The following PHACTR1 variants were observed in gnomAD, a reference collection of about 807,000 sequenced individuals.
The protein encoded by PHACTR1 is RPEL repeat containing 1.
PHACTR1 carries 16 observed loss-of-function variants against 69.2 expected under a neutral mutation model. The observed-to-expected ratio is 0.23, with a 90% CI of 0.16 to 0.35. The LOEUF is 0.35. PHACTR1 is among the 10% of genes least tolerant of loss of function. The probability of loss-of-function intolerance (pLI) is 1.00; values close to 1 mark genes in which losing one functional copy is unlikely to be tolerated. For missense variants in PHACTR1, 510 were observed against 734.7 expected (o/e 0.69, Z 3.54); for synonymous variants, 312 against 284.5 (o/e 1.10, Z -0.97).
chr6:13,252,242 G>A (rs1225578281), intron 10 of PHACTR1, among the ~76,000 whole-genome samples: 3 of 146,520 alleles, frequency 2.0e-5, no homozygotes, highest in African/African-American at 5.0e-5. Context: ...AAAAAAATTA[G>A]CCAGGTGCCT....
At chr6:13,251,177 G>A (rs1286786813) in intron 10 of PHACTR1, among the ~76,000 whole-genome samples, 1 of 152,178 alleles carries the variant, frequency 6.6e-6, no homozygotes, top group Non-Finnish European at 1.5e-5. Context: ...TGCCTGCCAG[G>A]CACACTCAGC....
At chr6:13,197,054 A>G (rs1764536417) in intron 7 of PHACTR1, among the ~76,000 whole-genome samples, 2 of 152,338 alleles carry the variant, frequency 1.3e-5, no homozygotes, top group South Asian at 4.1e-4. Context: ...CTGCAGCTAT[A>G]TAAGGTACTT....
At chr6:13,014,186 G>A (rs1300563568) in intron 4 of PHACTR1, among the ~76,000 whole-genome samples, 1 of 151,996 alleles carries the variant, frequency 6.6e-6, no homozygotes, top group Non-Finnish European at 1.5e-5. Flanking sequence ...CGCGGGAGGC[G>A]GGGAGGTGGC....
At chr6:12,987,752 C>A (rs953952485) in intron 4 of PHACTR1, among the ~76,000 whole-genome samples, 5 of 152,154 alleles carry the variant, frequency 3.3e-5, no homozygotes, top group African/African-American at 1.2e-4. Context: ...AGAGGTAACC[C>A]ATTTTAAAAT....
At chr6:13,088,120 C>T (rs376844503) in intron 5 of PHACTR1, among the ~76,000 whole-genome samples, 16 of 152,118 alleles carry the variant, frequency 1.1e-4, no homozygotes, top group African/African-American at 2.9e-4. Flanking sequence ...ACACAATTCC[C>T]GCACAGAGAG....
Position 12,749,634 on chromosome 6 carries a change from TCCCTCTCAGCTCGCCGGGCGA to T in PHACTR1, c.104-5_119del. 1 of 1,469,370 alleles carries T rather than the reference TCCCTCTCAGCTCGCCGGGCGA, an allele frequency of 6.8e-7. No individual in the cohort carries two copies. The highest frequency in any genetic ancestry group is 9.2e-7 in the Non-Finnish European group (1 of 1,090,156). The allele number at this position is 1,469,370 out of a possible 1,614,324, so 91.0% of individuals were successfully genotyped here. On this transcript the variant is annotated splice_acceptor_variant and splice_polypyrimidine_tract_variant and coding_sequence_variant and intron_variant, in exon 4 of 15. Coordinates refer to ENST00000332995, the MANE Select transcript of PHACTR1 (RefSeq NM_030948.6). LOFTEE classifies it high-confidence loss of function. ...CTCTCCCTCTCCCTCCGTCTCCTTC[TCCCTCTCAGCTCGCCGGGCGA>T]CCCTGCTCCTGCCTCCCACATTAAT...
At chr6:13,235,362 A>G (rs761732545) in intron 10 of PHACTR1, among the ~76,000 whole-genome samples, 10 of 152,158 alleles carry the variant, frequency 6.6e-5, no homozygotes, top group Non-Finnish European at 1.0e-4. Flanking sequence ...CACCAGAGTA[A>G]TGTTCCCTCA....
chr6:13,175,380 A>G (rs1022079910), intron 6 of PHACTR1, among the ~76,000 whole-genome samples: 4 of 152,138 alleles, frequency 2.6e-5, no homozygotes, highest in African/African-American at 9.7e-5. Flanking sequence ...CATCCAACAC[A>G]GTCCTTTTCT....
intron 5 of PHACTR1, among the ~76,000 whole-genome samples, chr6:13,154,220 A>G (rs1757851374): frequency 6.6e-6 from 1 of 152,108 alleles, no homozygotes. Context: ...GCTGGAGTGT[A>G]GTGGTGCAAT....
intron 4 of PHACTR1, among the ~76,000 whole-genome samples, chr6:13,020,981 A>G (rs1216443670): frequency 6.6e-6 from 1 of 152,102 alleles, no homozygotes; most frequent in Non-Finnish European, 1.5e-5. Flanking sequence ...TATTTCCTGG[A>G]GGATTTTTTA....
At chr6:13,046,655 C>T (rs1805107215) in intron 4 of PHACTR1, among the ~76,000 whole-genome samples, 1 of 152,094 alleles carries the variant, frequency 6.6e-6, no homozygotes, top group South Asian at 2.1e-4. Flanking sequence ...ACCAGGCAAC[C>T]TCTCTGTGCT....
intron 5 of PHACTR1, among the ~76,000 whole-genome samples, chr6:13,134,342 C>T (rs185724195): frequency 6.6e-6 from 1 of 152,304 alleles, no homozygotes; most frequent in African/African-American, 2.4e-5. Flanking sequence ...GCGGTTTTGT[C>T]GAGTGGAAGG....
chr6:12,880,641 C>T (rs1227779127), intron 4 of PHACTR1, among the ~76,000 whole-genome samples: 1 of 151,964 alleles, frequency 6.6e-6, no homozygotes, highest in Non-Finnish European at 1.5e-5. Flanking sequence ...GAAATTTATG[C>T]ATAAATAAGA....
intron 3 of PHACTR1, among the ~76,000 whole-genome samples, chr6:12,723,026 T>G (rs1762316718): frequency 6.6e-6 from 1 of 152,236 alleles, no homozygotes; most frequent in African/African-American, 2.4e-5. Flanking sequence ...GACTCTGTAA[T>G]TTTGTAGTGA....
At chr6:12,898,046 A>G (rs1486341311) in intron 4 of PHACTR1, among the ~76,000 whole-genome samples, 1 of 152,116 alleles carries the variant, frequency 6.6e-6, no homozygotes, top group East Asian at 1.9e-4. Context: ...ACATGAACTG[A>G]TATCTTTATT....
chr6:12,783,205 C>T (rs1428566074), intron 4 of PHACTR1, among the ~76,000 whole-genome samples: 2 of 152,198 alleles, frequency 1.3e-5, no homozygotes, highest in African/African-American at 4.8e-5. Context: ...TGTCATCTCC[C>T]TGCATCCATT....
At chr6:12,938,622 A>T (rs1174889141) in intron 4 of PHACTR1, among the ~76,000 whole-genome samples, 2 of 148,204 alleles carry the variant, frequency 1.3e-5, no homozygotes, top group Non-Finnish European at 2.9e-5. Context: ...AGCTTTTAAC[A>T]TATATATACA....
intron 4 of PHACTR1, among the ~76,000 whole-genome samples, chr6:12,833,872 G>C (rs1181935264): frequency 6.6e-6 from 1 of 152,030 alleles, no homozygotes; most frequent in Admixed American, 6.6e-5. Flanking sequence ...ACTCCTGCCC[G>C]TACTTACCAT....
intron 10 of PHACTR1, among the ~76,000 whole-genome samples, chr6:13,244,158 C>T (rs1007140209): frequency 1.3e-5 from 2 of 151,992 alleles, no homozygotes; most frequent in African/African-American, 4.8e-5. Flanking sequence ...TGGTAGGATC[C>T]ATGATGCCCC....
Sources: gnomAD v4.1 joint callset for allele counts (sites outside exome capture counted in the v4.1 genomes callset) on GRCh38, gnomAD v4.1.1 for gene constraint, MANE v1.5 for transcripts, NCBI Gene and HGNC (gene_info 2026-07-23, HGNC 2026-07-21) for gene names.